The following EPB41 variants were observed in gnomAD, a reference collection of about 807,000 sequenced individuals.
The protein encoded by EPB41 is protein 4.1.
EPB41 carries 65 observed loss-of-function variants against 108.0 expected under a neutral mutation model. That is an observed-to-expected ratio of 0.60 (90% CI 0.49 to 0.74). The LOEUF is 0.74. Among genes scored for constraint, EPB41 ranks in the 30% least tolerant of loss-of-function variants. EPB41 has a pLI of 0.00. For missense variants in EPB41, 875 were observed against 1,037.0 expected (o/e 0.84, Z 2.15); for synonymous variants, 336 against 358.9 (o/e 0.94, Z 0.72).
chr1:29,066,132 A>C (rs1226273301), intron 16 of EPB41, among the ~76,000 whole-genome samples: 1 of 152,052 alleles, frequency 6.6e-6, no homozygotes, highest in Non-Finnish European at 1.5e-5. Context: ...TAGAAATCCT[A>C]CATCTGGGCC....
At chr1:28,969,633 C>T (rs974461710) in intron 1 of EPB41, among the ~76,000 whole-genome samples, 1 of 151,874 alleles carries the variant, frequency 6.6e-6, no homozygotes, top group African/African-American at 2.4e-5. Flanking sequence ...GTCGCAGTGG[C>T]TCAAGCCTGT....
intron 1 of EPB41, among the ~76,000 whole-genome samples, chr1:28,954,881 C>T (rs1002257668): frequency 6.6e-6 from 1 of 152,096 alleles, no homozygotes; most frequent in Non-Finnish European, 1.5e-5. Context: ...TCGTGTGATA[C>T]GAGTTATAAT....
intron 7 of EPB41, among the ~76,000 whole-genome samples, chr1:29,028,113 C>T (rs752018700): frequency 4.6e-5 from 7 of 152,164 alleles, no homozygotes; most frequent in South Asian, 2.1e-4. Flanking sequence ...CGTGAGCCAC[C>T]GCGCCAGGCC....
At chr1:29,054,536 T>TAAAAAA (rs147359708) in intron 12 of EPB41, 2 of 123,960 alleles carry the variant, frequency 1.6e-5, no homozygotes, top group Non-Finnish European at 3.3e-5. Context: ...TTGATTATAT[T>TAAAAAA]AAAAAAAAAA....
chr1:29,024,530 G>A (rs879348429), intron 7 of EPB41, among the ~76,000 whole-genome samples: 1 of 151,862 alleles, frequency 6.6e-6, no homozygotes, highest in Non-Finnish European at 1.5e-5. Flanking sequence ...CTACTCCGGA[G>A]GCTGAGGCAG....
chr1:28,961,969 T>C (rs1485594888), intron 1 of EPB41, among the ~76,000 whole-genome samples: 1 of 152,120 alleles, frequency 6.6e-6, no homozygotes, highest in African/African-American at 2.4e-5. Flanking sequence ...AAATTTTAAG[T>C]TGGTTTTTGC....
chr1:29,055,469 C>G (rs1645195807), intron 12 of EPB41, among the ~76,000 whole-genome samples: 1 of 152,030 alleles, frequency 6.6e-6, no homozygotes, highest in South Asian at 2.1e-4. Context: ...GAGATCACTA[C>G]CTGGTATATG....
intron 11 of EPB41, among the ~76,000 whole-genome samples, chr1:29,045,382 C>G (rs1642850339): frequency 6.6e-6 from 1 of 152,000 alleles, no homozygotes; most frequent in Non-Finnish European, 1.5e-5. Flanking sequence ...TAGATAGGGT[C>G]TCACTCTGTC....
intron 7 of EPB41, among the ~76,000 whole-genome samples, chr1:29,028,138 T>G (rs2096745555): frequency 6.6e-6 from 1 of 152,198 alleles, no homozygotes; most frequent in African/African-American, 2.4e-5. Flanking sequence ...CTCTCCTTAT[T>G]TTTTAAAGCA....
intron 4 of EPB41, among the ~76,000 whole-genome samples, chr1:28,999,465 A>G (rs115748224): frequency 0.025 from 3,798 of 152,290 alleles, 155 homozygotes; most frequent in African/African-American, 0.087. Flanking sequence ...ATTCCCAGAA[A>G]TTGAATAGTT....
intron 1 of EPB41, among the ~76,000 whole-genome samples, chr1:28,899,234 G>A (rs1259685565): frequency 2.0e-5 from 3 of 152,144 alleles, no homozygotes; most frequent in Non-Finnish European, 4.4e-5. Flanking sequence ...CATAAAGATC[G>A]GCAATAATGT....
intron 1 of EPB41, among the ~76,000 whole-genome samples, chr1:28,965,644 G>A (rs911947559): frequency 1.4e-4 from 22 of 152,054 alleles, no homozygotes; most frequent in Admixed American, 6.6e-5. Flanking sequence ...GGAATGGGTA[G>A]GACTGCCTCT....
chr1:28,941,673 A>C (rs926984092), intron 1 of EPB41, among the ~76,000 whole-genome samples: 16 of 152,178 alleles, frequency 1.1e-4, no homozygotes. Context: ...AGGCGGGCGG[A>C]TCACCTGAGG....
intron 6 of EPB41, among the ~76,000 whole-genome samples, chr1:29,016,208 T>C (rs2096575937): frequency 2.0e-5 from 3 of 152,310 alleles, no homozygotes; most frequent in Admixed American, 2.0e-4. Context: ...GGAGTCTCGC[T>C]CTTGTCGCCC....
chr1:29,110,766 C>G (rs1167321984), intron 18 of EPB41, among the ~76,000 whole-genome samples: 2 of 152,170 alleles, frequency 1.3e-5, no homozygotes, highest in East Asian at 1.9e-4. Flanking sequence ...TACTCACCCT[C>G]AGGAGATTAT....
chr1:28,933,604 C>T (rs2093852639), intron 1 of EPB41, among the ~76,000 whole-genome samples: 1 of 152,146 alleles, frequency 6.6e-6, no homozygotes, highest in Non-Finnish European at 1.5e-5. Context: ...TTATGTCTTC[C>T]TTAGTCTCCT....
chr1:28,926,605 T>G (rs1220515911), intron 1 of EPB41, among the ~76,000 whole-genome samples: 1 of 152,218 alleles, frequency 6.6e-6, no homozygotes, highest in African/African-American at 2.4e-5. Context: ...AAAGTACTTT[T>G]CCACACCTCA....
chr1:29,000,525 T>C (rs1171749616), intron 4 of EPB41, among the ~76,000 whole-genome samples: 1 of 152,256 alleles, frequency 6.6e-6, no homozygotes, highest in Non-Finnish European at 1.5e-5. Flanking sequence ...CCTGGCTGTG[T>C]AAGAAAAGGG....
intron 1 of EPB41, among the ~76,000 whole-genome samples, chr1:28,901,074 T>C (rs367657122): frequency 1.4e-4 from 20 of 141,594 alleles, no homozygotes; most frequent in Admixed American, 9.1e-4. Context: ...GGATTATAGG[T>C]GCCTGCCACC....
Sources: allele counts gnomAD v4.1 joint callset (sites outside exome capture counted in the v4.1 genomes callset), GRCh38; gene constraint gnomAD v4.1.1; transcripts MANE v1.5; gene names NCBI Gene and HGNC (gene_info 2026-07-23, HGNC 2026-07-21).